Variants in PEAK1 observed in about 807,000 individuals in gnomAD.
PEAK1 encodes pseudopodium enriched atypical kinase 1.
Under a neutral mutation model 124.7 loss-of-function variants are expected in PEAK1, and 54 were observed. That is an observed-to-expected ratio of 0.43 (90% CI 0.35 to 0.54). The LOEUF is 0.54. PEAK1 is among the 20% of genes least tolerant of loss of function. The pLI is 0.01. For synonymous variants in PEAK1, 719 were observed against 760.0 expected (o/e 0.95, Z 0.89); for missense variants, 2,046 against 2,134.5 (o/e 0.96, Z 0.82).
chr15:77,181,219 A>T lies in PEAK1; in HGVS notation c.708T>A (p.Ser236Arg). The change falls in exon 7 of 10, where the codon AGT becomes AGA. Residue 236 changes from serine (S) to arginine (R), a missense_variant. Ser to Arg is a moderately radical substitution (Grantham distance 110, BLOSUM62 -1). Coordinates refer to ENST00000682557, the MANE Select transcript of PEAK1 (RefSeq NM_001385026.1). The part of the protein sequence containing the change: ...CYPEFSSGEE[S>R]EEDVLFSNME... ...TGTTACTGAAAAGTACATCCTCTTC[A>T]CTCTCCTCGCCACTGGAAAACTCTG... 6.2e-7 allele frequency: 1 copy of T among 1,613,030 alleles called. No individual in the cohort carries two copies.
intron 6 of PEAK1, among the ~76,000 whole-genome samples, chr15:77,227,621 T>C (rs2059734486): frequency 6.6e-6 from 1 of 152,136 alleles, no homozygotes; most frequent in African/African-American, 2.4e-5. Context: ...ATCTCCAAAA[T>C]GTTTTATGCT....
At chr15:77,419,664 GC>G in intron 1 of PEAK1, 1 of 985,076 alleles carries the variant, frequency 1.0e-6, no homozygotes. Flanking sequence ...TCCCAGCCGC[GC>G]CCGGGGGCGT....
chr15:77,405,423 A>T (rs1019904665), intron 1 of PEAK1, among the ~76,000 whole-genome samples: 2 of 152,162 alleles, frequency 1.3e-5, no homozygotes, highest in Non-Finnish European at 2.9e-5. Flanking sequence ...CTTTTTACTT[A>T]TTCTACATTT....
At chr15:77,260,442 CAGAAATGAT>C (rs575263784) in intron 5 of PEAK1, among the ~76,000 whole-genome samples, 40 of 151,664 alleles carry the variant, frequency 2.6e-4, no homozygotes, top group South Asian at 4.2e-4. Context: ...GAAAGAAACC[CAGAAATGAT>C]AGAAATGATA....
rs78186425 is a variant in PEAK1, at chr15:77,363,794, A to G, written c.-603+1369T>C. ...GTTAAATGAAAGAAATTAGTCACAG[A>G]AGACAACATATTGTGCAACTCTATT... is the stretch of plus-strand genomic sequence containing the variant. On this transcript the variant is annotated intron_variant, in intron 2 of 9. Coordinates refer to ENST00000682557, the MANE Select transcript of PEAK1 (RefSeq NM_001385026.1). 7.6e-3 allele frequency among the ~76,000 whole-genome samples: 1,157 copies of G among 152,320 alleles called. 15 individuals carry two copies. Among genetic ancestry groups the G allele is most frequent in the African/African-American group, 0.027 (1,102 of 41,562 alleles).
intron 2 of PEAK1, among the ~76,000 whole-genome samples, chr15:77,338,678 G>T: frequency 6.7e-6 from 1 of 148,292 alleles, no homozygotes; most frequent in African/African-American, 2.5e-5. Context: ...TAGCTATTTA[G>T]AACCAATTTA....
chr15:77,333,100 G>A, intron 2 of PEAK1: 1 of 983,434 alleles, frequency 1.0e-6, no homozygotes, highest in South Asian at 4.7e-5. Flanking sequence ...TTTCAATTTT[G>A]TTGATGGTAT....
intron 5 of PEAK1, 41 bp from the exon 6 acceptor site, chr15:77,252,567 T>C (rs1227240242): frequency 3.2e-6 from 3 of 928,212 alleles, no homozygotes; most frequent in African/African-American, 3.6e-5. Flanking sequence ...GAGAGTAATA[T>C]AATTTCAAAT....
At chr15:77,263,421 A>G (rs959266464) in intron 5 of PEAK1, among the ~76,000 whole-genome samples, 3 of 152,200 alleles carry the variant, frequency 2.0e-5, no homozygotes, top group African/African-American at 7.2e-5. Context: ...GATAAACGGG[A>G]TATCACCACC....
chr15:77,161,005 G>GAAC (rs576813568), intron 7 of PEAK1, among the ~76,000 whole-genome samples: 66 of 152,164 alleles, frequency 4.3e-4, no homozygotes, highest in African/African-American at 1.5e-3. Flanking sequence ...AACCTATGAG[G>GAAC]AACTCCCTGG....
At chr15:77,386,793 C>T (rs116665026) in intron 1 of PEAK1, among the ~76,000 whole-genome samples, 2,450 of 152,264 alleles carry the variant, frequency 0.016, 79 homozygotes, top group African/African-American at 0.056. Context: ...TCCCACGACA[C>T]CACTATGTCT....
At chr15:77,189,622 C>T (rs2057733696) in intron 6 of PEAK1, among the ~76,000 whole-genome samples, 1 of 152,170 alleles carries the variant, frequency 6.6e-6, no homozygotes, top group Non-Finnish European at 1.5e-5. Context: ...TAGGCTGTCT[C>T]AAAGTTGTGT....
intron 6 of PEAK1, among the ~76,000 whole-genome samples, chr15:77,206,776 T>C (rs1462967637): frequency 6.6e-6 from 1 of 152,104 alleles, no homozygotes; most frequent in African/African-American, 2.4e-5. Context: ...ATTTTGTAGG[T>C]TGCCTGTTCA....
At chr15:77,362,196 A>G (rs1422870643) in intron 2 of PEAK1, among the ~76,000 whole-genome samples, 1 of 152,192 alleles carries the variant, frequency 6.6e-6, no homozygotes, top group Non-Finnish European at 1.5e-5. Context: ...GTTTCAAATA[A>G]CTAGGAAGAG....
chr15:77,118,317 A>C (rs1355375736), intron 9 of PEAK1, among the ~76,000 whole-genome samples: 6 of 152,172 alleles, frequency 3.9e-5, no homozygotes, highest in African/African-American at 1.4e-4. Context: ...GTATCTCATA[A>C]ATCTTTATTA....
intron 6 of PEAK1, among the ~76,000 whole-genome samples, chr15:77,228,108 T>C (rs866332271): frequency 1.3e-5 from 2 of 152,032 alleles, no homozygotes; most frequent in Admixed American, 6.6e-5. Flanking sequence ...TTATTATTTC[T>C]ATTTTTTATT....
At chr15:77,368,188 G>A (rs1048475414) in intron 1 of PEAK1, among the ~76,000 whole-genome samples, 2 of 152,052 alleles carry the variant, frequency 1.3e-5, no homozygotes, top group African/African-American at 2.4e-5. Flanking sequence ...ATTTAAAAAT[G>A]TTATGAGTTT....
chr15:77,301,715 A>C (rs1417461360), intron 2 of PEAK1, among the ~76,000 whole-genome samples: 2 of 152,156 alleles, frequency 1.3e-5, no homozygotes, highest in African/African-American at 2.4e-5. Context: ...CTCTATTGTA[A>C]TGTTACCCTT....
rs769146005 is a variant in PEAK1 at position 77,133,398 on chromosome 15, G to A, written c.3684C>T (p.Val1228=). The A allele has an allele frequency of 2.5e-6, 4 of 1,614,216 alleles. No homozygotes were observed. Among genetic ancestry groups the A allele is most frequent in the Admixed American group, 1.7e-5 (1 of 60,020 alleles). ...TGGAAATGCTGTTTGCTGCTGAGGGGACAGGTCTCTCCTTGCGCAAAGGCC... is the reference window on the plus strand; with the variant it reads ...TGGAAATGCTGTTTGCTGCTGAGGGAACAGGTCTCTCCTTGCGCAAAGGCC... ...LERPLRKERP[V]PSAANSISSL... The change falls in exon 9 of 10, where the codon GTC becomes GTT. Residue 1228 remains valine, a synonymous_variant. Transcript: ENST00000682557. The surrounding 1 kb of genome is among the most constrained non-coding windows in gnomAD (Gnocchi z 4.2).
Sources: gnomAD v4.1 joint callset for allele counts (sites outside exome capture counted in the v4.1 genomes callset) on GRCh38, gnomAD v4.1.1 for gene constraint, Gnocchi (gnomAD v3.1) non-coding constraint, MANE v1.5 for transcripts, NCBI Gene and HGNC (gene_info 2026-07-23, HGNC 2026-07-21) for gene names.